SEZ6L: variants seen among roughly 807,000 people sequenced by gnomAD.
The protein encoded by SEZ6L is seizure related 6 homolog like.
SEZ6L carries 37 observed loss-of-function variants against 106.2 expected under a neutral mutation model. The ratio of observed to expected loss-of-function variants is 0.35; its 90% CI spans 0.27 to 0.46. SEZ6L has a LOEUF of 0.46. Among genes scored for constraint, SEZ6L ranks in the 20% least tolerant of loss-of-function variants. SEZ6L has a pLI of 1.00. For missense variants in SEZ6L, 1,172 were observed against 1,332.8 expected, an observed-to-expected ratio of 0.88 and a Z score of 1.88; for synonymous variants, 541 against 570.4, an observed-to-expected ratio of 0.95 and a Z score of 0.73.
Position 26,365,511 on chromosome 22 carries a change from C to T in SEZ6L, c.2739C>T (p.Ile913=), listed in dbSNP as rs758440205. 2 of 1,614,162 alleles carry T rather than the reference C, an allele frequency of 1.2e-6. No homozygotes were observed. Among genetic ancestry groups the T allele is most frequent in the South Asian group, 2.2e-5 (2 of 91,084 alleles). The change falls in exon 13 of 17, where the codon ATC becomes ATT. Residue 913 remains isoleucine, a synonymous_variant. Coordinates refer to ENST00000248933, the MANE Select transcript of SEZ6L (RefSeq NM_021115.5). ...TTGAGCTCATGGGTGAAGTGACCAT[C>T]CGCTGCATCCTGGGACAGCCATCCC... ...EGFELMGEVT[I]RCILGQPSHW...
At chr22:26,270,463 GGT>G (rs60049781) in intron 1 of SEZ6L, among the ~76,000 whole-genome samples, 56,099 of 146,122 alleles carry the variant, frequency 0.38, 11,013 homozygotes, top group South Asian at 0.64. Context: ...AATTGTGAGG[GGT>G]GTGTGTGTGT....
chr22:26,338,234 T>C (rs2082705052), intron 9 of SEZ6L, among the ~76,000 whole-genome samples: 1 of 152,222 alleles, frequency 6.6e-6, no homozygotes, highest in Admixed American at 6.5e-5. Context: ...AAGTTGAAGC[T>C]TGGCTCTTTA....
In SEZ6L at chr22:26,240,817, A is replaced by G. The variant is rs566615382; in HGVS notation, c.95-51589A>G. 4.6e-5 allele frequency among the ~76,000 whole-genome samples: 7 copies of G among 152,332 alleles called. No homozygotes were observed. The East Asian group carries it at 1.4e-3, about 29-fold the overall frequency. The stretch of plus-strand genomic sequence containing the variant: ...CAAACAAACAAAAATATGTGAGTTA[A>G]CACAGAGTGTTGGAGGGTGTCAGGT... On this transcript the variant is annotated intron_variant, in intron 1 of 16. Transcript: ENST00000248933.
chr22:26,342,037 C>T (rs116635920), intron 10 of SEZ6L, among the ~76,000 whole-genome samples: 184 of 152,286 alleles, frequency 1.2e-3, no homozygotes, highest in Non-Finnish European at 1.9e-3. Context: ...GGGGCAGAGC[C>T]GAGCTCCAAT....
At chr22:26,256,443 A>G (rs1466970393) in intron 1 of SEZ6L, among the ~76,000 whole-genome samples, 1 of 152,216 alleles carries the variant, frequency 6.6e-6, no homozygotes, top group Non-Finnish European at 1.5e-5. Context: ...TAGAAAACAT[A>G]GAAGAGACCC....
At chr22:26,303,865 G>T (rs2081528409) in intron 5 of SEZ6L, among the ~76,000 whole-genome samples, 1 of 152,138 alleles carries the variant, frequency 6.6e-6, no homozygotes, top group Admixed American at 6.5e-5. Context: ...CAAGCGTCCT[G>T]TGCTTGGGAA....
At position 26,299,157 on chromosome 22, in the gene SEZ6L, C is replaced by A; in HGVS notation, c.1336C>A (p.Pro446Thr). 6.5e-7 allele frequency: 1 copy of A among 1,543,834 alleles called. No individual in the cohort carries two copies. The highest frequency in any genetic ancestry group is 8.8e-7 in the Non-Finnish European group (1 of 1,142,026). The change falls in exon 5 of 17, where the codon CCC becomes ACC. Residue 446 changes from proline to threonine, a missense_variant. Transcript: ENST00000248933. Reference sequence around the variant, plus strand: ...CAAGCCGCACTGGAGCAGCCAGGAGCCCATCTGCTCAGGTATGCTCCAGCC... The same window carrying A: ...CAAGCCGCACTGGAGCAGCCAGGAGACCATCTGCTCAGGTATGCTCCAGCC... ...ASKPHWSSQE[P>T]ICSAPCGGAV...
chr22:26,288,878 G>A (rs1217174288), intron 1 of SEZ6L, among the ~76,000 whole-genome samples: 1 of 152,070 alleles, frequency 6.6e-6, no homozygotes. Flanking sequence ...ATAATTAAGG[G>A]GTAATGTTTG....
chr22:26,382,054 G>T lies in SEZ6L; in HGVS notation c.*1759G>T, dbSNP rs770416615. 1.9e-6 allele frequency: 1 copy of T among 518,814 alleles called. No individual in the cohort carries two copies. The highest frequency in any genetic ancestry group is 3.8e-6 in the Non-Finnish European group (1 of 259,780). 32.1% of individuals were successfully genotyped at this position (518,814 alleles called of 1,614,324 possible). A position where few individuals can be genotyped will look rare whatever the true frequency, so the allele number is the denominator to read the frequency against. On this transcript the variant is annotated 3_prime_UTR_variant, in exon 17 of 17. Coordinates refer to ENST00000248933, the MANE Select transcript of SEZ6L (RefSeq NM_021115.5). ...AGGAACTCAGACTTCAATCTTGGGG[G>T]TCTAAGACCAGAATATTTTCCTTCT...
chr22:26,375,775 G>T, intron 15 of SEZ6L, 86 bp downstream of exon 15: 1 of 964,242 alleles, frequency 1.0e-6, no homozygotes. Context: ...CTGAGCCTCA[G>T]GGTCTCCACC....
At chr22:26,365,863 T>C (rs1192611695) in intron 13 of SEZ6L, among the ~76,000 whole-genome samples, 5 of 151,274 alleles carry the variant, frequency 3.3e-5, no homozygotes. Context: ...AGAACGAGAC[T>C]CTATCTCAAA....
rs1198057657 is a variant in SEZ6L at position 26,294,341 on chromosome 22, C to T, written c.885C>T (p.Ser295=). ...FSNPEGYIDS[S]DYPLLPLNNF... ...ATCCTGAGGGGTACATTGACTCCAG[C>T]GACTACCCACTGCTGCCCCTCAACA... is the stretch of plus-strand genomic sequence containing the variant. The change falls in exon 3 of 17, where the codon AGC becomes AGT. Residue 295 remains serine, a synonymous_variant. Transcript: ENST00000248933. The T allele has an allele frequency of 1.2e-6, 2 of 1,613,914 alleles. No individual in the cohort carries two copies. The highest frequency in any genetic ancestry group is 2.2e-5 in the East Asian group (1 of 44,892).
intron 5 of SEZ6L, among the ~76,000 whole-genome samples, chr22:26,302,983 A>G (rs374521707): frequency 6.6e-6 from 1 of 152,242 alleles, no homozygotes; most frequent in Non-Finnish European, 1.5e-5. Flanking sequence ...ACTCTGTGCC[A>G]GGGATGGCAT....
At chr22:26,286,745 C>CTTTTTTTTTTTTTTTTTTTTTTTTTTTT (rs137200) in intron 1 of SEZ6L, among the ~76,000 whole-genome samples, 1 of 118,656 alleles carries the variant, frequency 8.4e-6, no homozygotes, top group Non-Finnish European at 1.7e-5. Context: ...AGAGCTTGTG[C>CTTTTTTTTTTTTTTTTTTTTTTTTTTTT]TTTTTTTTTT....
intron 4 of SEZ6L, among the ~76,000 whole-genome samples, chr22:26,298,382 T>C (rs562159847): frequency 6.6e-6 from 1 of 152,316 alleles, no homozygotes; most frequent in African/African-American, 2.4e-5. Context: ...TACCCCCATC[T>C]ACTGACTGCG....
intron 1 of SEZ6L, among the ~76,000 whole-genome samples, chr22:26,286,818 G>A (rs2080949699): frequency 6.7e-6 from 1 of 149,810 alleles, no homozygotes; most frequent in African/African-American, 2.5e-5. Flanking sequence ...CACAATCTCG[G>A]CTCACTGCCA....
chr22:26,274,647 T>A (rs575363317), intron 1 of SEZ6L, among the ~76,000 whole-genome samples: 2 of 152,250 alleles, frequency 1.3e-5, no homozygotes, highest in South Asian at 4.2e-4. Context: ...CCATAAGGTT[T>A]ATTACAGGGA....
chr22:26,336,828 A>G (rs1432768973), intron 9 of SEZ6L, among the ~76,000 whole-genome samples: 1 of 152,140 alleles, frequency 6.6e-6, no homozygotes, highest in Non-Finnish European at 1.5e-5. Flanking sequence ...GACATTGCCA[A>G]ATGTCACCTG....
chr22:26,313,622 T>A (rs2081911858), intron 8 of SEZ6L, 142 bp from the exon 9 acceptor site: 1 of 796,470 alleles, frequency 1.3e-6, no homozygotes, highest in East Asian at 2.6e-5. Flanking sequence ...ACACACGTGC[T>A]GGCTGCCCGA....
Sources: gnomAD v4.1 joint callset for allele counts (sites outside exome capture counted in the v4.1 genomes callset) on GRCh38, gnomAD v4.1.1 for gene constraint, MANE v1.5 for transcripts, NCBI Gene and HGNC (gene_info 2026-07-23, HGNC 2026-07-21) for gene names.